CLIP1: variants seen among roughly 807,000 people sequenced by gnomAD.
CLIP1 encodes CAP-Gly domain containing linker protein 1, also known as CAP-Gly domain-containing linker protein 1.
Under a neutral mutation model 161.6 loss-of-function variants are expected in CLIP1, and 66 were observed. That is an observed-to-expected ratio of 0.41 (90% CI 0.33 to 0.50). The LOEUF (loss-of-function observed/expected upper bound fraction) is 0.50. Among genes scored for constraint, CLIP1 ranks in the 20% least tolerant of loss-of-function variants. The probability of loss-of-function intolerance (pLI) is 0.27; values close to 1 mark genes in which losing one functional copy is unlikely to be tolerated. For synonymous variants in CLIP1, 598 were observed against 626.2 expected, an observed-to-expected ratio of 0.96 and a Z score of 0.67; for missense variants, 1,376 against 1,702.0, an observed-to-expected ratio of 0.81 and a Z score of 3.37.
At chr12:122,296,874 A>C (rs1186467571) in intron 20 of CLIP1, among the ~76,000 whole-genome samples, 4 of 151,638 alleles carry the variant, frequency 2.6e-5, no homozygotes, top group Non-Finnish European at 4.4e-5. Context: ...AAAAAAAAAA[A>C]AAAAAAAAAC....
intron 20 of CLIP1, among the ~76,000 whole-genome samples, chr12:122,306,664 T>G (rs1448575884): frequency 6.6e-6 from 1 of 152,004 alleles, no homozygotes; most frequent in Admixed American, 6.6e-5. Context: ...AATGAGGACA[T>G]GATCACCAAG....
rs537081325 is a variant in CLIP1, at chr12:122,272,077, G to A, written c.*798C>T. 6.6e-6 allele frequency: 1 copy of A among 152,348 alleles called. No individual in the cohort carries two copies. Among genetic ancestry groups the A allele is most frequent in the Admixed American group, 6.5e-5 (1 of 15,294 alleles). 9.4% of individuals were successfully genotyped at this position (152,348 alleles called of 1,614,324 possible). On this transcript the variant is annotated 3_prime_UTR_variant, in exon 26 of 26. Coordinates refer to ENST00000620786, the MANE Select transcript of CLIP1 (RefSeq NM_001247997.2). The stretch of plus-strand genomic sequence containing the variant: ...TTATGTCCTAATGATCATTTTAAGT[G>A]TTTTCTTTTTCAAAAAGGTAAATGT...
rs940569934 is a variant in CLIP1 at position 122,377,334 on chromosome 12, A to G, written c.657+55T>C. On this transcript the variant is annotated intron_variant, in intron 3 of 25. Transcript: ENST00000620786. Reference sequence around the variant, plus strand: ...TGATGTGTGTGTATTTCAACCACTCACTGGTGTTTATATCTCAGTTCAATG... The same window carrying G: ...TGATGTGTGTGTATTTCAACCACTCGCTGGTGTTTATATCTCAGTTCAATG... 2.7e-6 allele frequency: 4 copies of G among 1,485,424 alleles called. No individual in the cohort carries two copies. The African/African-American group carries it at 5.5e-5, about 21-fold the overall frequency. The allele number at this position is 1,485,424 out of a possible 1,614,324, so 92.0% of individuals were successfully genotyped here. A position where few individuals can be genotyped will look rare whatever the true frequency, so the allele number is the denominator to read the frequency against.
chr12:122,317,509 A>G (rs772358408), intron 18 of CLIP1, among the ~76,000 whole-genome samples: 2 of 152,156 alleles, frequency 1.3e-5, no homozygotes, highest in African/African-American at 2.4e-5. Context: ...GGAAAGCCAG[A>G]GCTGTCACTG....
At chr12:122,286,459 C>T (rs1406842012) in intron 21 of CLIP1, among the ~76,000 whole-genome samples, 6 of 125,046 alleles carry the variant, frequency 4.8e-5, no homozygotes, top group African/African-American at 1.9e-4. Context: ...GGGGAGGTTG[C>T]AGTGAGAGCC....
chr12:122,310,962 C>G (rs768578668), intron 19 of CLIP1, among the ~76,000 whole-genome samples: 1 of 152,102 alleles, frequency 6.6e-6, no homozygotes, highest in African/African-American at 2.4e-5. Flanking sequence ...GGAAATAAAT[C>G]CACACAAAAA....
At position 122,347,486 on chromosome 12, in the gene CLIP1, G is replaced by A. The variant is rs747141575; in HGVS notation, c.1402-7C>T. On this transcript the variant is annotated splice_region_variant and splice_polypyrimidine_tract_variant and intron_variant, in intron 9 of 25. Coordinates refer to ENST00000620786, the MANE Select transcript of CLIP1 (RefSeq NM_001247997.2). ...GCTCCAGTTTGGTCTGCGTCTGTTA[G>A]TAAAAAGGAAGAGGAAGAGAACACA... 6.2e-7 allele frequency: 1 copy of A among 1,607,546 alleles called. No individual in the cohort carries two copies. The highest frequency in any genetic ancestry group is 8.5e-7 in the Non-Finnish European group (1 of 1,174,430).
intron 3 of CLIP1, among the ~76,000 whole-genome samples, chr12:122,364,561 C>G (rs1242907202): frequency 6.6e-6 from 1 of 151,912 alleles, no homozygotes; most frequent in African/African-American, 2.4e-5. Flanking sequence ...CACCACCAAA[C>G]AGGCTATTTT....
intron 1 of CLIP1, chr12:122,400,505 G>A (rs1180230745): frequency 6.6e-6 from 1 of 150,650 alleles, no homozygotes; most frequent in East Asian, 2.1e-4. Context: ...CTGCCACACA[G>A]AAGGGCTTTG....
intron 3 of CLIP1, among the ~76,000 whole-genome samples, chr12:122,366,049 C>A (rs935447324): frequency 1.3e-5 from 2 of 151,658 alleles, no homozygotes; most frequent in African/African-American, 4.8e-5. Context: ...CGATGGCTCA[C>A]GCCTCCCAGC....
chr12:122,359,365 C>T (rs2136549556), intron 5 of CLIP1, among the ~76,000 whole-genome samples: 1 of 152,220 alleles, frequency 6.6e-6, no homozygotes, highest in South Asian at 2.1e-4. Context: ...GCAGGGAGAG[C>T]TTGCTATTTC....
intron 17 of CLIP1, chr12:122,324,238 A>C (rs1407159899): frequency 6.6e-6 from 1 of 152,602 alleles, no homozygotes; most frequent in Non-Finnish European, 1.5e-5. Flanking sequence ...CCAATTCTAC[A>C]AGCTTGGATA....
upstream of CLIP1, chr12:122,422,724 GGCCGGC>G (rs1957002901): frequency 7.3e-6 from 1 of 137,670 alleles, no homozygotes; most frequent in Non-Finnish European, 1.6e-5. Flanking sequence ...GCGCCCGCCC[GGCCGGC>G]CCGGCCGGCC....
chr12:122,283,461 C>CTT lies in CLIP1; in HGVS notation c.3648-4318_3648-4317dup, dbSNP rs1305137720. ...TCCTTTCTTTTTCTTTCTTTCTTTT[C>CTT]TTTTTTTTTTTTTTTGAGATGGAAT... On this transcript the variant is annotated intron_variant, in intron 21 of 25. Transcript: ENST00000620786. Among the ~76,000 whole-genome samples, 189 of 140,216 alleles carry CTT rather than the reference C, an allele frequency of 1.3e-3. 1 individual carries two copies. Among genetic ancestry groups the CTT allele is most frequent in the African/African-American group, 4.5e-3 (172 of 38,508 alleles). 92.0% of individuals were successfully genotyped at this position (140,216 alleles called of 152,430 possible). A position where few individuals can be genotyped will look rare whatever the true frequency, so the allele number is the denominator to read the frequency against.
intron 1 of CLIP1, among the ~76,000 whole-genome samples, chr12:122,393,378 T>C (rs1334130534): frequency 6.6e-6 from 1 of 151,036 alleles, no homozygotes; most frequent in East Asian, 2.0e-4. Context: ...GCCAGGAGGG[T>C]CTCGATTTCC....
intron 4 of CLIP1, among the ~76,000 whole-genome samples, chr12:122,363,471 G>A (rs1011505500): frequency 3.3e-5 from 5 of 151,592 alleles, no homozygotes; most frequent in Admixed American, 2.6e-4. Context: ...ACTCCAGCCC[G>A]GCCAACAGAC....
intron 1 of CLIP1, among the ~76,000 whole-genome samples, chr12:122,422,172 G>A (rs1248185774): frequency 1.3e-5 from 2 of 152,120 alleles, no homozygotes; most frequent in African/African-American, 2.4e-5. Flanking sequence ...GCCCAGGAGA[G>A]GGAGCGGGGC....
intron 15 of CLIP1, among the ~76,000 whole-genome samples, chr12:122,330,597 G>GTTTTTTTTTTTTTTTTTTTTTTTTTT (rs71082966): frequency 4.9e-5 from 5 of 101,382 alleles, no homozygotes; most frequent in African/African-American, 1.8e-4. Flanking sequence ...GTATAATGCA[G>GTTTTTTTTTTTTTTTTTTTTTTTTTT]TTTTTTTTTT....
intron 24 of CLIP1, 80 bp from the exon 25 acceptor site, chr12:122,274,242 C>T (rs1955299547): frequency 2.4e-6 from 3 of 1,273,804 alleles, no homozygotes; most frequent in South Asian, 1.2e-5. Context: ...AAGTTTATAC[C>T]TTTAAGCTCT....
Sources: gnomAD v4.1 joint callset for allele counts (sites outside exome capture counted in the v4.1 genomes callset) on GRCh38, gnomAD v4.1.1 for gene constraint, MANE v1.5 for transcripts, NCBI Gene and HGNC (gene_info 2026-07-23, HGNC 2026-07-21) for gene names.